The following DPF2 variants were observed in gnomAD, a reference collection of about 807,000 sequenced individuals.
The protein encoded by DPF2 is zinc finger protein ubi-d4.
DPF2 carries 10 observed loss-of-function variants against 59.6 expected under a neutral mutation model. The ratio of observed to expected loss-of-function variants is 0.17; its 90% CI spans 0.10 to 0.28. The LOEUF (loss-of-function observed/expected upper bound fraction) is 0.28. Ranked by LOEUF, DPF2 falls within the 10% of genes least tolerant of loss-of-function variation. The pLI, the probability that DPF2 is intolerant of heterozygous loss-of-function variation, is 1.00. For missense variants in DPF2, 315 were observed against 509.4 expected (o/e 0.62, Z 3.67); for synonymous variants, 189 against 190.6 (o/e 0.99, Z 0.07).
intron 1 of DPF2, among the ~76,000 whole-genome samples, chr11:65,336,588 G>C (rs1950098184): frequency 6.6e-6 from 1 of 151,638 alleles, no homozygotes; most frequent in African/African-American, 2.4e-5. Flanking sequence ...TCAGGAGATT[G>C]AGACCATCCT....
At chr11:65,351,591 C>T (rs1169120675) in intron 10 of DPF2, 92 bp from the exon 11 acceptor site, 9 of 1,110,622 alleles carry the variant, frequency 8.1e-6, no homozygotes, top group Admixed American at 3.5e-5. Flanking sequence ...GTAGCTGATC[C>T]TGCTATAGAG....
intron 1 of DPF2, among the ~76,000 whole-genome samples, chr11:65,335,791 C>T (rs1191358779): frequency 6.6e-6 from 1 of 152,088 alleles, no homozygotes; most frequent in African/African-American, 2.4e-5. Context: ...ACATTGAGGT[C>T]AGGACCACTA....
intron 6 of DPF2, 74 bp from the exon 7 acceptor site, chr11:65,345,592 C>T: frequency 6.3e-7 from 1 of 1,587,122 alleles, no homozygotes; most frequent in South Asian, 1.1e-5. Flanking sequence ...GGTGGAGCCC[C>T]CACAGCTTGC....
In DPF2 at chr11:65,348,843, A is replaced by G. The variant is rs766982957; in HGVS notation, c.1018-7A>G. On this transcript the variant is annotated splice_region_variant and splice_polypyrimidine_tract_variant and intron_variant, in intron 9 of 10. Transcript: ENST00000528416. ...GTCCCCATCCTCTTCCCTCTTGCCT[A>G]CTTCAGGACCAGTTGCTCTTCTGTG... 6.2e-6 allele frequency: 10 copies of G among 1,613,898 alleles called. No homozygotes were observed. In the Admixed American group the frequency reaches 6.7e-5, roughly 11 times the overall value.
At chr11:65,346,760 CT>C (rs1854543477) in intron 9 of DPF2, 1 of 158,158 alleles carries the variant, frequency 6.3e-6, no homozygotes, top group Non-Finnish European at 1.4e-5. Context: ...GAGGGTGATG[CT>C]GGTGTTGAAA....
chr11:65,338,844 C>T (rs540522236), intron 1 of DPF2, among the ~76,000 whole-genome samples: 2 of 152,262 alleles, frequency 1.3e-5, no homozygotes, highest in South Asian at 2.1e-4. Context: ...GCCCGAGTTA[C>T]GGACAGAAAC....
At chr11:65,348,717 A>G (rs1228875417) in intron 9 of DPF2, 133 bp from the exon 10 acceptor site, 1 of 754,996 alleles carries the variant, frequency 1.3e-6, no homozygotes, top group Non-Finnish European at 2.2e-6. Flanking sequence ...GAGGGGCAGC[A>G]TGGTTTCCCA....
In DPF2 at chr11:65,334,131, C is replaced by T. The variant is rs73482254; in HGVS notation, c.32+213C>T. ...CCCTGGTGGGGGCACACTGGAGCCC[C>T]GACGGGCGGCATCCCTGCGGGGCTG... On this transcript the variant is annotated intron_variant, in intron 1 of 10. Coordinates refer to ENST00000528416, the MANE Select transcript of DPF2 (RefSeq NM_006268.5). 7.1e-3 allele frequency among the ~76,000 whole-genome samples: 1,076 copies of T among 152,346 alleles called. 12 individuals carry two copies. The highest frequency in any genetic ancestry group is 0.025 in the African/African-American group (1,032 of 41,582).
At chr11:65,337,449 T>G (rs1854198511) in intron 1 of DPF2, among the ~76,000 whole-genome samples, 1 of 43,842 alleles carries the variant, frequency 2.3e-5, no homozygotes, top group African/African-American at 1.0e-4. Flanking sequence ...CAAGACTCTA[T>G]CTCAAAAAAA....
chr11:65,338,332 C>T (rs1365393480), intron 1 of DPF2, among the ~76,000 whole-genome samples: 2 of 152,192 alleles, frequency 1.3e-5, no homozygotes, highest in Non-Finnish European at 2.9e-5. Flanking sequence ...GTTTCCTTCC[C>T]AGCCCTTTTA....
Position 65,333,869 on chromosome 11 carries a change from G to A in DPF2, c.-18G>A, listed in dbSNP as rs888573602. ...CGGACTGTGGGGCTTCTCGGCCCGA[G>A]GCAGAGGAACAGGGAAGATGGCGGC... On this transcript the variant is annotated 5_prime_UTR_variant, in exon 1 of 11. Transcript: ENST00000528416. The A allele has an allele frequency of 2.5e-6, 4 of 1,613,748 alleles. No homozygotes were observed. The African/African-American group carries it at 5.3e-5, about 22-fold the overall frequency.
At chr11:65,337,069 A>T (rs950833828) in intron 1 of DPF2, among the ~76,000 whole-genome samples, 1 of 152,236 alleles carries the variant, frequency 6.6e-6, no homozygotes, top group African/African-American at 2.4e-5. Flanking sequence ...CTCCGTCTCA[A>T]AAAAAGAGAG....
intron 9 of DPF2, chr11:65,347,412 C>A (rs1478656219): frequency 6.6e-6 from 1 of 151,980 alleles, no homozygotes; most frequent in Non-Finnish European, 1.5e-5. Flanking sequence ...TCACTAAAAC[C>A]TTTCCCTTCA....
At chr11:65,335,899 C>T (rs1235058659) in intron 1 of DPF2, among the ~76,000 whole-genome samples, 3 of 152,036 alleles carry the variant, frequency 2.0e-5, no homozygotes, top group Admixed American at 6.6e-5. Context: ...CTGCAACCTC[C>T]GCCTCCCGGG....
In DPF2 at chr11:65,351,878, G is replaced by C; in HGVS notation, c.*119G>C. On this transcript the variant is annotated 3_prime_UTR_variant, in exon 11 of 11. Coordinates refer to ENST00000528416, the MANE Select transcript of DPF2 (RefSeq NM_006268.5). ...TCACAAATCCAGAGAACCTTGGGGT[G>C]GTTGTGCCAGCCTGCCTTTGGCAGC... 8.4e-7 allele frequency: 1 copy of C among 1,192,052 alleles called. No homozygotes were observed. The highest frequency in any genetic ancestry group is 1.2e-6 in the Non-Finnish European group (1 of 840,428). 73.8% of individuals were successfully genotyped at this position (1,192,052 alleles called of 1,614,324 possible). A position where few individuals can be genotyped will look rare whatever the true frequency, so the allele number is the denominator to read the frequency against.
At chr11:65,344,614 C>G in intron 6 of DPF2, 6 of 1,535,998 alleles carry the variant, frequency 3.9e-6, no homozygotes, top group Non-Finnish European at 5.2e-6. Context: ...CGAAAGCGCC[C>G]CAGAGAGGTA....
intron 1 of DPF2, among the ~76,000 whole-genome samples, chr11:65,338,134 A>G (rs1436764948): frequency 1.3e-5 from 2 of 151,762 alleles, no homozygotes; most frequent in Non-Finnish European, 2.9e-5. Context: ...TTTTGTAGAG[A>G]TGGGATCTCA....
chr11:65,340,941 A>T (rs1292572212), intron 2 of DPF2, 25 bp from the exon 3 acceptor site: 2 of 1,610,506 alleles, frequency 1.2e-6, no homozygotes, highest in African/African-American at 2.7e-5. Flanking sequence ...TTAGGGCCTG[A>T]CTTCTATCTT....
At chr11:65,343,042 G>C (rs1476485037) in intron 4 of DPF2, among the ~76,000 whole-genome samples, 1 of 150,998 alleles carries the variant, frequency 6.6e-6, no homozygotes, top group Non-Finnish European at 1.5e-5. Context: ...GCTGACGCCT[G>C]TAATCCCAGC....
Sources: allele counts gnomAD v4.1 joint callset (sites outside exome capture counted in the v4.1 genomes callset), GRCh38; gene constraint gnomAD v4.1.1; transcripts MANE v1.5; gene names NCBI Gene and HGNC (gene_info 2026-07-23, HGNC 2026-07-21).